ATXN7: variants seen among roughly 807,000 people sequenced by gnomAD.
ATXN7 encodes the protein ataxin 7, also known as ataxin-7.
ATXN7 carries 12 observed loss-of-function variants against 70.5 expected under a neutral mutation model. The observed-to-expected ratio is 0.17, with a 90% CI of 0.11 to 0.28. The LOEUF (loss-of-function observed/expected upper bound fraction) is 0.28. Ranked by LOEUF, ATXN7 falls within the 10% of genes least tolerant of loss-of-function variation. The pLI is 1.00. For missense variants in ATXN7, 1,256 were observed against 1,131.7 expected (o/e 1.11, Z -1.58); for synonymous variants, 498 against 448.7 (o/e 1.11, Z -1.39).
At chr3:63,942,480 CT>C (rs2074787233) in intron 4 of ATXN7, among the ~76,000 whole-genome samples, 1 of 151,916 alleles carries the variant, frequency 6.6e-6, no homozygotes, top group African/African-American at 2.4e-5. Flanking sequence ...GGTTTTTTTT[CT>C]TTTGTGTAGG....
chr3:63,986,480 C>T (rs1339830599), intron 8 of ATXN7, among the ~76,000 whole-genome samples: 1 of 152,182 alleles, frequency 6.6e-6, no homozygotes, highest in African/African-American at 2.4e-5. Flanking sequence ...GTTTATACAT[C>T]TGCTTGGAGA....
chr3:63,887,034 A>G (rs543032555), intron 1 of ATXN7, among the ~76,000 whole-genome samples: 1 of 152,302 alleles, frequency 6.6e-6, no homozygotes, highest in African/African-American at 2.4e-5. Context: ...ACTCCCATGA[A>G]GTTTCAATGG....
At chr3:63,875,367 C>T (rs1702720505) in intron 1 of ATXN7, among the ~76,000 whole-genome samples, 1 of 152,146 alleles carries the variant, frequency 6.6e-6, no homozygotes, top group Non-Finnish European at 1.5e-5. Flanking sequence ...GCTGGGATTA[C>T]AGGTGTGAGC....
intron 12 of ATXN7, chr3:63,997,636 T>G: frequency 6.4e-7 from 1 of 1,552,190 alleles, no homozygotes; most frequent in Non-Finnish European, 8.7e-7. Flanking sequence ...CTCCTCACCT[T>G]GCTTACGAAC....
In ATXN7 at chr3:63,990,502, A is replaced by G. The variant is rs1325013812; in HGVS notation, c.1560+128A>G. The G allele has an allele frequency of 3.9e-6, 5 of 1,288,854 alleles. No homozygotes were observed. In the Admixed American group the frequency reaches 1.0e-4, roughly 26 times the overall value. 79.8% of individuals were successfully genotyped at this position (1,288,854 alleles called of 1,614,324 possible). A position where few individuals can be genotyped will look rare whatever the true frequency, so the allele number is the denominator to read the frequency against. ...CGCGGTCAAGGTGTGAGAGAAGTTC[A>G]AAACAGGGTGCCCCAGAGGCAGCAC... On this transcript the variant is annotated intron_variant, in intron 10 of 12. Coordinates refer to ENST00000674280, the MANE Select transcript of ATXN7 (RefSeq NM_001377405.1).
At chr3:63,971,919 G>T (rs2106726234) in intron 5 of ATXN7, among the ~76,000 whole-genome samples, 1 of 152,106 alleles carries the variant, frequency 6.6e-6, no homozygotes, top group Non-Finnish European at 1.5e-5. Flanking sequence ...AAAGTGCTGA[G>T]TTTTTTTTGT....
chr3:63,960,659 G>A (rs1055124270), intron 5 of ATXN7, among the ~76,000 whole-genome samples: 1 of 152,140 alleles, frequency 6.6e-6, no homozygotes, highest in Non-Finnish European at 1.5e-5. Context: ...GGGGTTTTTG[G>A]CTCAAGCAGC....
At chr3:63,994,201 C>CT (rs1432244813) in intron 11 of ATXN7, among the ~76,000 whole-genome samples, 3 of 152,136 alleles carry the variant, frequency 2.0e-5, no homozygotes, top group Non-Finnish European at 4.4e-5. Flanking sequence ...CAGGCCAGAG[C>CT]TGTACCCTTG....
rs530110455 is a variant in ATXN7 at position 64,001,842 on chromosome 3, G to A, written c.*2375G>A. ...GAATAATTAAGACCATTTAAAACAC[G>A]GGAGTACAAGTATTTTTTTGAATTA... On this transcript the variant is annotated 3_prime_UTR_variant, in exon 13 of 13. Transcript: ENST00000674280. 34 of 152,088 alleles carry A rather than the reference G, an allele frequency of 2.2e-4. 1 individual carries two copies. The South Asian group carries it at 4.2e-3, about 19-fold the overall frequency. The allele number at this position is 152,088 out of a possible 1,614,324, so 9.4% of individuals were successfully genotyped here.
intron 5 of ATXN7, among the ~76,000 whole-genome samples, chr3:63,977,105 G>T (rs560372080): frequency 6.6e-6 from 1 of 152,308 alleles, no homozygotes; most frequent in East Asian, 1.9e-4. Flanking sequence ...GATGGTGGAA[G>T]TTTGAGGGGT....
intron 5 of ATXN7, among the ~76,000 whole-genome samples, chr3:63,963,020 A>G (rs73117087): frequency 0.1 from 15,707 of 151,416 alleles, 1,007 homozygotes; most frequent in Admixed American, 0.16. Flanking sequence ...GGCTCAAGCA[A>G]TCCTTCCACC....
rs1451320634 is a variant in ATXN7, at chr3:63,898,402, T to C, written c.-107T>C. ...TGCCTTTTTTCTGTTTTTGCAGATC[T>C]GAACAGAATTAAGACGAACGAGCTT... On this transcript the variant is annotated 5_prime_UTR_variant, in exon 2 of 13. Transcript: ENST00000674280. 1 of 152,226 alleles carries C rather than the reference T, an allele frequency of 6.6e-6. No individual in the cohort carries two copies. Among genetic ancestry groups the C allele is most frequent in the Non-Finnish European group, 1.5e-5 (1 of 68,038 alleles). 9.4% of individuals were successfully genotyped at this position (152,226 alleles called of 1,614,324 possible).
intron 4 of ATXN7, among the ~76,000 whole-genome samples, chr3:63,948,789 G>C (rs1243211718): frequency 6.6e-6 from 1 of 152,106 alleles, no homozygotes; most frequent in Non-Finnish European, 1.5e-5. Flanking sequence ...TGATGGCCTA[G>C]ATGTGGGTGC....
intron 3 of ATXN7, 56 bp downstream of exon 3, chr3:63,912,979 C>T (rs1704111248): frequency 1.9e-5 from 25 of 1,304,790 alleles, no homozygotes; most frequent in South Asian, 2.5e-5. Flanking sequence ...CTCCTCTCTC[C>T]TCCCCTCCCC....
At chr3:63,973,339 A>C (rs2075343872) in intron 5 of ATXN7, among the ~76,000 whole-genome samples, 1 of 152,134 alleles carries the variant, frequency 6.6e-6, no homozygotes, top group Non-Finnish European at 1.5e-5. Context: ...GACTCGAAGC[A>C]TGCATATTGT....
chr3:63,913,024 G>A, intron 3 of ATXN7, 101 bp downstream of exon 3: 1 of 1,427,726 alleles, frequency 7.0e-7, no homozygotes, highest in South Asian at 1.2e-5. Context: ...CCCTCGAGGG[G>A]CAGAGATGCT....
intron 1 of ATXN7, among the ~76,000 whole-genome samples, chr3:63,869,738 A>C (rs547962351): frequency 6.6e-6 from 1 of 152,292 alleles, no homozygotes; most frequent in South Asian, 2.1e-4. Context: ...GATACTATAC[A>C]TCCTTTTAAA....
Position 63,988,184 on chromosome 3 carries a change from A to G in ATXN7, c.1221A>G (p.Pro407=). 6.2e-7 allele frequency: 1 copy of G among 1,613,952 alleles called. No homozygotes were observed. The highest frequency in any genetic ancestry group is 8.5e-7 in the Non-Finnish European group (1 of 1,179,960). The change falls in exon 9 of 13, where the codon CCA becomes CCG. Residue 407 remains proline, a synonymous_variant. Coordinates refer to ENST00000674280, the MANE Select transcript of ATXN7 (RefSeq NM_001377405.1). ...TTCGCCATCCGGACTCTCAGCAACC[A>G]CCGCAGCCTCTCAGGGACCCGCATC... ...ELIRHPDSQQ[P]PQPLRDPHPA... is the part of the protein sequence containing the mutation.
At position 63,995,576 on chromosome 3, in the gene ATXN7, C is replaced by G; in HGVS notation, c.1754C>G (p.Pro585Arg). Residue 585 changes from proline to arginine, a missense_variant, in exon 12 of 13, where the codon CCG (proline) becomes CGG (arginine). Pro to Arg is a moderately radical substitution (Grantham distance 103, BLOSUM62 -2). Coordinates refer to ENST00000674280, the MANE Select transcript of ATXN7 (RefSeq NM_001377405.1). ...TRIPHRTNSV[P>R]TSQCGVSYLA... The stretch of plus-strand genomic sequence containing the variant: ...ATTCCTCACCGGACAAACTCTGTGC[C>G]GACATCACAATGTGGAGTCAGCTAT... The G allele has an allele frequency of 6.2e-7, 1 of 1,614,130 alleles. No individual in the cohort carries two copies. Among genetic ancestry groups the G allele is most frequent in the African/African-American group, 1.3e-5 (1 of 75,014 alleles).
Sources: allele counts gnomAD v4.1 joint callset (sites outside exome capture counted in the v4.1 genomes callset), GRCh38; gene constraint gnomAD v4.1.1; transcripts MANE v1.5; gene names NCBI Gene and HGNC (gene_info 2026-07-23, HGNC 2026-07-21).